ST6GAL2: variants seen among roughly 807,000 people sequenced by gnomAD.
ST6GAL2 encodes the protein ST6 beta-galactoside alpha-2,6-sialyltransferase 2, also known as beta-galactoside alpha-2,6-sialyltransferase 2.
ST6GAL2 carries 24 observed loss-of-function variants against 37.5 expected under a neutral mutation model. That is an observed-to-expected ratio of 0.64 (90% confidence interval 0.46 to 0.90). The LOEUF (loss-of-function observed/expected upper bound fraction) is 0.90, where lower values mean the gene tolerates loss of function less well. ST6GAL2 is among the 40% of genes least tolerant of loss of function. The pLI, the probability that ST6GAL2 is intolerant of heterozygous loss-of-function variation, is 0.00. For synonymous variants in ST6GAL2, 306 were observed against 295.1 expected, an observed-to-expected ratio of 1.04 and a Z score of -0.38; for missense variants, 715 against 712.7, an observed-to-expected ratio of 1.00 and a Z score of -0.04.
intron 2 of ST6GAL2, among the ~76,000 whole-genome samples, chr2:106,839,641 C>T (rs964431028): frequency 6.6e-6 from 1 of 152,144 alleles, no homozygotes; most frequent in East Asian, 1.9e-4. Flanking sequence ...ATGCATCCCA[C>T]CCCCAGTCTC....
At chr2:106,860,408 A>C (rs545152560) in intron 1 of ST6GAL2, among the ~76,000 whole-genome samples, 1 of 152,302 alleles carries the variant, frequency 6.6e-6, no homozygotes, top group East Asian at 1.9e-4. Context: ...CTTAGGGCAT[A>C]ATTTCAATGG....
chr2:106,816,473 T>C (rs910739632), intron 5 of ST6GAL2, among the ~76,000 whole-genome samples: 4 of 152,236 alleles, frequency 2.6e-5, no homozygotes, highest in Non-Finnish European at 4.4e-5. Context: ...CCATGATTAA[T>C]TGCAGTAAAT....
chr2:106,883,880 CTAAT>C (rs1176029032), intron 1 of ST6GAL2, among the ~76,000 whole-genome samples: 1 of 152,160 alleles, frequency 6.6e-6, no homozygotes, highest in Non-Finnish European at 1.5e-5. Flanking sequence ...AATCTGCAAA[CTAAT>C]TAAGAGCTTC....
intron 4 of ST6GAL2, among the ~76,000 whole-genome samples, chr2:106,831,827 G>A (rs570175670): frequency 3.0e-4 from 46 of 152,108 alleles, no homozygotes; most frequent in Non-Finnish European, 5.1e-4. Context: ...ATCCTCTCTG[G>A]TCTTGACTAA....
At chr2:106,858,033 T>C (rs1032326230) in intron 1 of ST6GAL2, among the ~76,000 whole-genome samples, 2 of 152,234 alleles carry the variant, frequency 1.3e-5, no homozygotes, top group Non-Finnish European at 2.9e-5. Context: ...TCACATCTTC[T>C]TCTTAACAAT....
intron 1 of ST6GAL2, among the ~76,000 whole-genome samples, chr2:106,852,666 T>G (rs941771835): frequency 4.6e-5 from 7 of 152,108 alleles, no homozygotes; most frequent in African/African-American, 1.7e-4. Flanking sequence ...CCAGGGGCTG[T>G]TGGTTGGTTC....
At chr2:106,832,798 G>A in intron 3 of ST6GAL2, 132 bp from the exon 4 acceptor site, 1 of 696,546 alleles carries the variant, frequency 1.4e-6, no homozygotes, top group Non-Finnish European at 2.6e-6. Flanking sequence ...TTCTTCTGGG[G>A]GAGGGAGAGA....
chr2:106,815,502 A>G (rs1382950884), intron 5 of ST6GAL2, among the ~76,000 whole-genome samples: 1 of 152,226 alleles, frequency 6.6e-6, no homozygotes, highest in African/African-American at 2.4e-5. Context: ...AAGGAAAACA[A>G]AAGTCTATTT....
At chr2:106,850,125 A>G (rs1677297723) in intron 1 of ST6GAL2, among the ~76,000 whole-genome samples, 1 of 152,148 alleles carries the variant, frequency 6.6e-6, no homozygotes, top group Non-Finnish European at 1.5e-5. Flanking sequence ...CCTCCATTAT[A>G]TGAAAACGCC....
chr2:106,882,017 C>T (rs1422163822), intron 1 of ST6GAL2, among the ~76,000 whole-genome samples: 5 of 152,204 alleles, frequency 3.3e-5, no homozygotes, highest in Admixed American at 3.3e-4. Flanking sequence ...TGACATGCTT[C>T]GTATCAGCCC....
chr2:106,873,343 T>G (rs551714663), intron 1 of ST6GAL2, among the ~76,000 whole-genome samples: 4 of 152,204 alleles, frequency 2.6e-5, no homozygotes, highest in Admixed American at 1.3e-4. Context: ...TAATTCTTCA[T>G]GGACAACTGA....
intron 2 of ST6GAL2, among the ~76,000 whole-genome samples, chr2:106,840,992 GCTT>G (rs1437167616): frequency 6.6e-6 from 1 of 152,188 alleles, no homozygotes; most frequent in African/African-American, 2.4e-5. Context: ...CTAAACCACT[GCTT>G]CTTCTTAATA....
chr2:106,833,934 C>T (rs7608410), intron 3 of ST6GAL2, 115 bp downstream of exon 3: 59,796 of 654,950 alleles, frequency 0.091, 3,672 homozygotes, highest in Admixed American at 0.15. Flanking sequence ...ACAAGTACCA[C>T]GGTCATAATT....
intron 1 of ST6GAL2, among the ~76,000 whole-genome samples, chr2:106,879,095 T>A (rs1389746711): frequency 6.6e-6 from 1 of 152,116 alleles, no homozygotes; most frequent in Non-Finnish European, 1.5e-5. Flanking sequence ...TGTAATACAG[T>A]CTAAAGCTTT....
intron 1 of ST6GAL2, among the ~76,000 whole-genome samples, chr2:106,849,580 G>A (rs1321853677): frequency 6.6e-6 from 1 of 152,148 alleles, no homozygotes; most frequent in Admixed American, 6.5e-5. Flanking sequence ...CATTGGTAGA[G>A]CATCTCCATT....
intron 5 of ST6GAL2, among the ~76,000 whole-genome samples, chr2:106,816,653 G>C (rs987831623): frequency 3.3e-5 from 5 of 152,160 alleles, no homozygotes; most frequent in South Asian, 2.1e-4. Context: ...TAAGGATATA[G>C]GGAGGCAGAG....
intron 4 of ST6GAL2, among the ~76,000 whole-genome samples, chr2:106,832,335 C>T (rs769370685): frequency 6.6e-6 from 1 of 152,170 alleles, no homozygotes; most frequent in South Asian, 2.1e-4. Context: ...CCCCACCCGG[C>T]TGCCCTGCCC....
chr2:106,829,512 G>C (rs1420192529), intron 5 of ST6GAL2, among the ~76,000 whole-genome samples: 2 of 152,150 alleles, frequency 1.3e-5, no homozygotes, highest in Admixed American at 1.3e-4. Context: ...GGATGGATGT[G>C]GGAGTGAAGT....
intron 5 of ST6GAL2, among the ~76,000 whole-genome samples, chr2:106,825,418 C>T (rs986812379): frequency 3.3e-5 from 5 of 152,212 alleles, no homozygotes; most frequent in African/African-American, 1.2e-4. Flanking sequence ...TTATGAGACA[C>T]TGTGAGCCAG....
Sources: gnomAD v4.1 joint callset for allele counts (sites outside exome capture counted in the v4.1 genomes callset) on GRCh38, gnomAD v4.1.1 for gene constraint, MANE v1.5 for transcripts, NCBI Gene and HGNC (gene_info 2026-07-23, HGNC 2026-07-21) for gene names.